The following PPM1B variants were observed in gnomAD, a reference collection of about 807,000 sequenced individuals.
The protein encoded by PPM1B is protein phosphatase, Mg2+/Mn2+ dependent 1B, also known as protein phosphatase 1B.
Under a neutral mutation model 43.0 loss-of-function variants are expected in PPM1B, and 22 were observed. The observed-to-expected ratio is 0.51, with a 90% CI of 0.37 to 0.73. The LOEUF is 0.73. PPM1B is among the 30% of genes least tolerant of loss of function. The probability of loss-of-function intolerance (pLI) is 0.00; values close to 1 mark genes in which losing one functional copy is unlikely to be tolerated. For synonymous variants in PPM1B, 217 were observed against 197.9 expected (o/e 1.10, Z -0.81); for missense variants, 632 against 584.2 (o/e 1.08, Z -0.84).
At chr2:44,224,358 G>C (rs1381866413) in intron 5 of PPM1B, among the ~76,000 whole-genome samples, 1 of 150,964 alleles carries the variant, frequency 6.6e-6, no homozygotes, top group South Asian at 2.1e-4. Context: ...GGGAGGCTGA[G>C]GCAGGAGAAT....
At chr2:44,202,155 G>A in intron 2 of PPM1B, 110 bp downstream of exon 2, 3 of 1,116,736 alleles carry the variant, frequency 2.7e-6, no homozygotes, top group Non-Finnish European at 3.6e-6. Flanking sequence ...CACAGAAGCT[G>A]TATATTTTGA....
chr2:44,237,126 C>T (rs1464558138), downstream of PPM1B, among the ~76,000 whole-genome samples: 1 of 152,190 alleles, frequency 6.6e-6, no homozygotes, highest in East Asian at 1.9e-4. Context: ...AATGAAGTTA[C>T]TTGCTTTTAG....
intron 5 of PPM1B, chr2:44,229,939 A>T: frequency 7.0e-7 from 1 of 1,430,740 alleles, no homozygotes. Context: ...AAAATCTTTC[A>T]AAAATCTGTT....
At chr2:44,187,789 G>A (rs999606721) in intron 1 of PPM1B, among the ~76,000 whole-genome samples, 4 of 151,630 alleles carry the variant, frequency 2.6e-5, no homozygotes, top group Non-Finnish European at 4.4e-5. Flanking sequence ...TTGCTCTGTC[G>A]CCCAGGCTGG....
intron 2 of PPM1B, among the ~76,000 whole-genome samples, chr2:44,205,438 T>G (rs1434661413): frequency 6.7e-6 from 1 of 148,438 alleles, no homozygotes; most frequent in Non-Finnish European, 1.5e-5. Flanking sequence ...AGGGAAACAT[T>G]AAGACTAAAT....
intron 1 of PPM1B, among the ~76,000 whole-genome samples, chr2:44,186,104 G>A (rs1296826008): frequency 6.6e-6 from 1 of 152,112 alleles, no homozygotes; most frequent in African/African-American, 2.4e-5. Context: ...GTTCTGTAAG[G>A]TCCTGGAATG....
intron 1 of PPM1B, among the ~76,000 whole-genome samples, chr2:44,197,613 A>G (rs1382453053): frequency 6.6e-6 from 1 of 152,088 alleles, no homozygotes; most frequent in African/African-American, 2.4e-5. Flanking sequence ...TTATATAACT[A>G]TTATTTATTT....
At chr2:44,200,719 C>A (rs1668892265) in intron 1 of PPM1B, among the ~76,000 whole-genome samples, 1 of 152,124 alleles carries the variant, frequency 6.6e-6, no homozygotes, top group Non-Finnish European at 1.5e-5. Flanking sequence ...TATTAGTATA[C>A]CTTCCTACCT....
chr2:44,242,919 C>A (rs975138562), intron 5 of PPM1B, among the ~76,000 whole-genome samples: 50 of 152,116 alleles, frequency 3.3e-4, no homozygotes, highest in African/African-American at 1.2e-3. Context: ...CCTTTCAATA[C>A]TGTAATACTG....
chr2:44,220,242 CAT>C (rs1572744185), intron 5 of PPM1B, among the ~76,000 whole-genome samples: 1 of 149,174 alleles, frequency 6.7e-6, no homozygotes, highest in South Asian at 2.1e-4. Context: ...TGTCAACCCT[CAT>C]GTGTAATCTT....
chr2:44,197,028 T>C (rs2104104542), intron 1 of PPM1B, among the ~76,000 whole-genome samples: 1 of 152,338 alleles, frequency 6.6e-6, no homozygotes, highest in East Asian at 1.9e-4. Context: ...AAATAAACTT[T>C]TAATGTTGAA....
chr2:44,232,589 T>TG, downstream of PPM1B: 7 of 1,317,286 alleles, frequency 5.3e-6, no homozygotes, highest in Non-Finnish European at 6.8e-6. Context: ...TACATCTGTA[T>TG]TGAACTTTCG....
In PPM1B at chr2:44,217,283, C is replaced by T. The variant is rs543233510; in HGVS notation, c.965-684C>T. Among the ~76,000 whole-genome samples the T allele has an allele frequency of 4.6e-5, 7 of 151,778 alleles. No individual in the cohort carries two copies. In the East Asian group the frequency reaches 1.4e-3, roughly 29 times the overall value. Reference sequence around the variant, plus strand: ...GCATGGTAGCACATGCCTGTAATCCCAGCTACTCGGGAGGCTGAGGCAGGA... The same window carrying T: ...GCATGGTAGCACATGCCTGTAATCCTAGCTACTCGGGAGGCTGAGGCAGGA... On this transcript the variant is annotated intron_variant, in intron 3 of 5. Transcript: ENST00000282412.
chr2:44,169,692 C>T (rs1052884479), intron 1 of PPM1B, among the ~76,000 whole-genome samples: 2 of 152,252 alleles, frequency 1.3e-5, no homozygotes, highest in African/African-American at 2.4e-5. Context: ...TTCGTTTCCT[C>T]ATCAGCTTCT....
chr2:44,230,466 C>T lies in PPM1B; in HGVS notation c.1188C>T (p.Leu396=). ...SGSQGKLVEA[L]RQMRINHRGN... ...CACAGGGAAAATTGGTGGAAGCTCT[C>T]AGGCAAATGAGAATTAATCATAGGG... The change falls in exon 6 of 6, where the codon CTC becomes CTT. Residue 396 remains leucine (L), a synonymous_variant. Transcript: ENST00000282412. 1.9e-6 allele frequency: 3 copies of T among 1,614,142 alleles called. No homozygotes were observed. The highest frequency in any genetic ancestry group is 2.5e-6 in the Non-Finnish European group (3 of 1,180,020).
chr2:44,175,973 A>C (rs987768748), intron 1 of PPM1B, among the ~76,000 whole-genome samples: 3 of 151,980 alleles, frequency 2.0e-5, no homozygotes, highest in Non-Finnish European at 4.4e-5. Flanking sequence ...TTTAGTAGAG[A>C]TGGGGTTTCA....
intron 5 of PPM1B, among the ~76,000 whole-genome samples, chr2:44,242,742 A>C (rs1670777034): frequency 6.6e-6 from 1 of 151,960 alleles, no homozygotes; most frequent in Non-Finnish European, 1.5e-5. Flanking sequence ...TTTTATTGTA[A>C]GCCTGCTCAC....
intron 5 of PPM1B, among the ~76,000 whole-genome samples, chr2:44,240,627 A>G (rs772560915): frequency 5.5e-5 from 8 of 146,332 alleles, no homozygotes; most frequent in Non-Finnish European, 1.1e-4. Flanking sequence ...TTTTGTCCCC[A>G]AAGCAAGTGC....
intron 3 of PPM1B, among the ~76,000 whole-genome samples, chr2:44,215,891 G>T (rs1207807879): frequency 2.0e-5 from 3 of 152,200 alleles, no homozygotes; most frequent in Non-Finnish European, 4.4e-5. Context: ...TGTTTGAGCA[G>T]CCGTGCTTGG....
Sources: allele counts gnomAD v4.1 joint callset (sites outside exome capture counted in the v4.1 genomes callset), GRCh38; gene constraint gnomAD v4.1.1; transcripts MANE v1.5; gene names NCBI Gene and HGNC (gene_info 2026-07-23, HGNC 2026-07-21).